The following PRKCQ variants were observed in gnomAD, a reference collection of about 807,000 sequenced individuals.
PRKCQ encodes the protein protein kinase C theta, also known as protein kinase C theta type.
PRKCQ carries 41 observed loss-of-function variants against 91.2 expected under a neutral mutation model. The observed-to-expected ratio is 0.45, with a 90% confidence interval of 0.35 to 0.58. The LOEUF (loss-of-function observed/expected upper bound fraction) is 0.58, where lower values mean the gene tolerates loss of function less well. Ranked by LOEUF, PRKCQ falls within the 20% of genes least tolerant of loss-of-function variation. The pLI, the probability that PRKCQ is intolerant of heterozygous loss-of-function variation, is 0.00. For synonymous variants in PRKCQ, 307 were observed against 316.9 expected, an observed-to-expected ratio of 0.97 and a Z score of 0.33; for missense variants, 673 against 896.5, an observed-to-expected ratio of 0.75 and a Z score of 3.18.
Position 6,567,637 on chromosome 10 carries a change from G to C in PRKCQ, c.-10+12574C>G, listed in dbSNP as rs74113512. On this transcript the variant is annotated intron_variant, in intron 1 of 17. Coordinates refer to ENST00000263125, the MANE Select transcript of PRKCQ (RefSeq NM_006257.5). The stretch of plus-strand genomic sequence containing the variant: ...AAACCTCAGCACTGGCTTTAACATT[G>C]TTTTAGCTGGGGTTTAGCTGTTGTT... 8.8e-3 allele frequency among the ~76,000 whole-genome samples: 1,333 copies of C among 152,286 alleles called. 22 individuals carry two copies. The highest frequency in any genetic ancestry group is 0.031 in the African/African-American group (1,288 of 41,564).
At chr10:6,550,391 C>T (rs372151887) in intron 1 of PRKCQ, among the ~76,000 whole-genome samples, 1 of 152,018 alleles carries the variant, frequency 6.6e-6, no homozygotes, top group Non-Finnish European at 1.5e-5. Flanking sequence ...CTCATGCCTC[C>T]GCCACCTGAG....
intron 15 of PRKCQ, among the ~76,000 whole-genome samples, chr10:6,449,431 T>G (rs1029001427): frequency 2.6e-5 from 4 of 152,222 alleles, no homozygotes; most frequent in African/African-American, 7.2e-5. Context: ...TATGGGACTA[T>G]GTGAAAAGAC....
At chr10:6,467,209 CGAAA>C (rs1835699372) in intron 12 of PRKCQ, among the ~76,000 whole-genome samples, 1 of 151,852 alleles carries the variant, frequency 6.6e-6, no homozygotes. Flanking sequence ...CGATGGCTCT[CGAAA>C]GAAAGAAGAA....
chr10:6,398,439 C>G, the PRKCQ span, among the ~76,000 whole-genome samples: 1 of 152,148 alleles, frequency 6.6e-6, no homozygotes, highest in African/African-American at 2.4e-5. Flanking sequence ...ATAAGTTAGT[C>G]AATATTCTTT....
chr10:6,486,197 AAAC>A, intron 8 of PRKCQ, 53 bp from the exon 9 acceptor site: 1 of 1,439,314 alleles, frequency 6.9e-7, no homozygotes. Context: ...CCCTGGTGCT[AAAC>A]AACTCTCTCT....
At chr10:6,408,148 C>T in the PRKCQ span, among the ~76,000 whole-genome samples, 2 of 145,888 alleles carry the variant, frequency 1.4e-5, no homozygotes, top group Non-Finnish European at 3.0e-5. Flanking sequence ...TTGTATTGGA[C>T]CTATAGTTTT....
At chr10:6,501,751 G>A (rs1244548593) in intron 4 of PRKCQ, among the ~76,000 whole-genome samples, 2 of 152,074 alleles carry the variant, frequency 1.3e-5, no homozygotes, top group African/African-American at 2.4e-5. Context: ...TTGAACTCGG[G>A]AGGCGGAGGT....
At chr10:6,541,301 T>C (rs1839768440) in intron 1 of PRKCQ, among the ~76,000 whole-genome samples, 1 of 152,250 alleles carries the variant, frequency 6.6e-6, no homozygotes, top group Non-Finnish European at 1.5e-5. Context: ...GCCTAGTTTT[T>C]CAGTCTACAT....
intron 16 of PRKCQ, 141 bp from the exon 17 acceptor site, chr10:6,431,079 C>A (rs34157770): frequency 0.2 from 218,612 of 1,116,040 alleles, 23,564 homozygotes; most frequent in Non-Finnish European, 0.21. Context: ...TGACTAAAGT[C>A]AACCTGTCCT....
chr10:6,447,524 C>G (rs991540075), intron 15 of PRKCQ, among the ~76,000 whole-genome samples: 17 of 152,164 alleles, frequency 1.1e-4, no homozygotes, highest in African/African-American at 4.1e-4. Flanking sequence ...TATAGGAACA[C>G]AGGGGGAACA....
chr10:6,543,195 C>T (rs562745814), intron 1 of PRKCQ, among the ~76,000 whole-genome samples: 2 of 152,170 alleles, frequency 1.3e-5, no homozygotes, highest in Non-Finnish European at 1.5e-5. Context: ...TATTTCTGTG[C>T]GCTCAGTAAT....
chr10:6,488,868 C>CA (rs879860065), intron 8 of PRKCQ, among the ~76,000 whole-genome samples: 6 of 152,142 alleles, frequency 3.9e-5, no homozygotes, highest in African/African-American at 7.2e-5. Flanking sequence ...CAGCCTCAAA[C>CA]CCCTGGGTTC....
chr10:6,407,089 A>G, the PRKCQ span, among the ~76,000 whole-genome samples: 150,557 of 152,346 alleles, frequency 0.99, 74,412 homozygotes, highest in East Asian at 1. The surrounding 1 kb of genome is among the most constrained non-coding windows in gnomAD (Gnocchi z 4.0). Flanking sequence ...AAAAAGAGCT[A>G]TGGGTTCTAA....
At chr10:6,404,392 TTTCTTTCTTTCC>T in the PRKCQ span, among the ~76,000 whole-genome samples, 1 of 58,056 alleles carries the variant, frequency 1.7e-5, no homozygotes, top group Non-Finnish European at 4.8e-5. Context: ...CGTTCTTTCT[TTTCTTTCTTTCC>T]TTCTTTCTTT....
chr10:6,419,260 T>A, the PRKCQ span, among the ~76,000 whole-genome samples: 2 of 152,230 alleles, frequency 1.3e-5, no homozygotes, highest in African/African-American at 4.8e-5. Flanking sequence ...CATATGTGTA[T>A]ACGTGTGTGT....
chr10:6,477,367 A>G (rs1836324858), intron 12 of PRKCQ, among the ~76,000 whole-genome samples: 1 of 152,182 alleles, frequency 6.6e-6, no homozygotes. Context: ...GCTTCTCTTT[A>G]TCTTAGGTAA....
At chr10:6,487,903 G>A (rs765766927) in intron 8 of PRKCQ, among the ~76,000 whole-genome samples, 1 of 151,618 alleles carries the variant, frequency 6.6e-6, no homozygotes, top group Non-Finnish European at 1.5e-5. Flanking sequence ...TACTCAGGAG[G>A]CTGAGGCAGA....
chr10:6,490,938 T>C (rs1248174826), intron 8 of PRKCQ, among the ~76,000 whole-genome samples: 2 of 151,964 alleles, frequency 1.3e-5, no homozygotes, highest in African/African-American at 2.4e-5. Context: ...TAACAGCATC[T>C]CAGCTTCTAA....
At chr10:6,397,274 G>A in the PRKCQ span, among the ~76,000 whole-genome samples, 2 of 152,028 alleles carry the variant, frequency 1.3e-5, no homozygotes, top group African/African-American at 4.8e-5. Flanking sequence ...TTTTGTATTT[G>A]TAGTAGAGAC....
Sources: gnomAD v4.1 joint callset for allele counts (sites outside exome capture counted in the v4.1 genomes callset) on GRCh38, gnomAD v4.1.1 for gene constraint, Gnocchi (gnomAD v3.1) non-coding constraint, MANE v1.5 for transcripts, NCBI Gene and HGNC (gene_info 2026-07-23, HGNC 2026-07-21) for gene names.